EYA3: variants seen among roughly 807,000 people sequenced by gnomAD.
EYA3 encodes EYA transcriptional coactivator and phosphatase 3, also known as protein phosphatase EYA3.
A neutral mutation model predicts 80.0 loss-of-function variants in EYA3; 39 were observed. That is an observed-to-expected ratio of 0.49 (90% CI 0.38 to 0.64). The LOEUF is 0.64. Among genes scored for constraint, EYA3 ranks in the 30% least tolerant of loss-of-function variants. The pLI is 0.00. For synonymous variants in EYA3, 206 were observed against 232.8 expected, an observed-to-expected ratio of 0.88 and a Z score of 1.05; for missense variants, 523 against 676.1, an observed-to-expected ratio of 0.77 and a Z score of 2.51.
At chr1:28,058,980 A>T (rs112455633) in intron 1 of EYA3, among the ~76,000 whole-genome samples, 2,369 of 152,196 alleles carry the variant, frequency 0.016, 43 homozygotes, top group African/African-American at 0.046. Flanking sequence ...TATTTAATTA[A>T]AGTCACAGCT....
Position 27,973,494 on chromosome 1 carries a change from A to C in EYA3, c.*972T>G, listed in dbSNP as rs74063246. 1.6e-4 allele frequency: 24 copies of C among 152,282 alleles called. No homozygotes were observed. The highest frequency in any genetic ancestry group is 5.8e-4 in the African/African-American group (24 of 41,562). The allele number at this position is 152,282 out of a possible 1,614,324, so 9.4% of individuals were successfully genotyped here. A position where few individuals can be genotyped will look rare whatever the true frequency, so the allele number is the denominator to read the frequency against. On this transcript the variant is annotated 3_prime_UTR_variant, in exon 18 of 18. Transcript: ENST00000373871. ...CTCAAGAGCCAAGAAGCTGAAATTC[A>C]TAAGACACTTTAGTTCCTTCTCTCC...
intron 16 of EYA3, among the ~76,000 whole-genome samples, chr1:27,983,502 C>G (rs1639449095): frequency 6.6e-6 from 1 of 152,192 alleles, no homozygotes; most frequent in Non-Finnish European, 1.5e-5. Flanking sequence ...TCTTGATTTG[C>G]AGTTCCTTAA....
intron 5 of EYA3, among the ~76,000 whole-genome samples, chr1:28,036,923 A>G (rs922060583): frequency 2.6e-5 from 4 of 152,198 alleles, no homozygotes; most frequent in African/African-American, 9.6e-5. Flanking sequence ...AGCTGAGCAG[A>G]TAAGAGGCAC....
intron 10 of EYA3, among the ~76,000 whole-genome samples, chr1:28,006,379 G>C (rs1427067221): frequency 6.6e-6 from 1 of 151,998 alleles, no homozygotes. Flanking sequence ...GGATAGAAGG[G>C]AATGTTATCA....
chr1:28,052,039 C>T (rs1431437492), intron 2 of EYA3, among the ~76,000 whole-genome samples: 1 of 151,708 alleles, frequency 6.6e-6, no homozygotes, highest in Non-Finnish European at 1.5e-5. Flanking sequence ...GACAGAGGCT[C>T]ACTCTGTCAC....
chr1:28,069,053 C>T (rs1487771201), intron 1 of EYA3, among the ~76,000 whole-genome samples: 2 of 152,146 alleles, frequency 1.3e-5, no homozygotes, highest in Non-Finnish European at 2.9e-5. Context: ...GTGATCCGCC[C>T]GCCTTGGCCT....
At position 28,006,505 on chromosome 1, in the gene EYA3, G is replaced by A. The variant is rs368573058; in HGVS notation, c.910-2086C>T. On this transcript the variant is annotated intron_variant, in intron 10 of 17. Transcript: ENST00000373871. Reference sequence around the variant, plus strand: ...GTGGATCACAAGGTCAGGAGATAGAGACCATCCTCGCTAACATGGTGAAAC... The same window carrying A: ...GTGGATCACAAGGTCAGGAGATAGAAACCATCCTCGCTAACATGGTGAAAC... 1.8e-4 allele frequency among the ~76,000 whole-genome samples: 28 copies of A among 152,240 alleles called. No individual in the cohort carries two copies. In the South Asian group the frequency reaches 5.6e-3, roughly 30 times the overall value.
At chr1:28,058,328 C>T (rs1162624467) in intron 1 of EYA3, among the ~76,000 whole-genome samples, 1 of 152,192 alleles carries the variant, frequency 6.6e-6, no homozygotes, top group Non-Finnish European at 1.5e-5. Flanking sequence ...GGAACCACTT[C>T]TGCTGGTTAC....
chr1:27,981,544 T>A (rs1325674431), intron 16 of EYA3, among the ~76,000 whole-genome samples: 1 of 152,002 alleles, frequency 6.6e-6, no homozygotes, highest in Non-Finnish European at 1.5e-5. Flanking sequence ...CCCTTGTAAA[T>A]GAAATAATTC....
At chr1:28,018,461 C>T (rs1488214257) in intron 7 of EYA3, among the ~76,000 whole-genome samples, 1 of 152,192 alleles carries the variant, frequency 6.6e-6, no homozygotes. Context: ...ATGGTTCCTA[C>T]TGCAGGTACA....
At chr1:28,080,925 T>C (rs1411304421) in intron 1 of EYA3, among the ~76,000 whole-genome samples, 2 of 144,696 alleles carry the variant, frequency 1.4e-5, no homozygotes, top group Non-Finnish European at 3.1e-5. Context: ...TAATTTTGTA[T>C]TTTTTTTTTT....
chr1:27,979,313 C>T lies in EYA3; in HGVS notation c.1541-839G>A, dbSNP rs186307081. On this transcript the variant is annotated intron_variant, in intron 16 of 17. Coordinates refer to ENST00000373871, the MANE Select transcript of EYA3 (RefSeq NM_001990.4). ...GAAACAGTCCTGGGTATAGGCCTTA[C>T]GTCTTTCAGTGAGAGAACAGCCCCA... 2.3e-3 allele frequency among the ~76,000 whole-genome samples: 353 copies of T among 152,338 alleles called. 2 individuals are homozygous for T. The highest frequency in any genetic ancestry group is 8.2e-3 in the African/African-American group (340 of 41,576).
chr1:28,006,104 CAA>C (rs879642993), intron 10 of EYA3, among the ~76,000 whole-genome samples: 7 of 116,922 alleles, frequency 6.0e-5, no homozygotes, highest in African/African-American at 3.1e-5. Flanking sequence ...GGTTCTGTCT[CAA>C]AAAAAAAAAA....
rs71027260 is a variant in EYA3, at chr1:28,062,657, G to GGTGTGTGTGTGTGTGTGTGTGT, written c.-68-4585_-68-4564dup. 9.1e-3 allele frequency among the ~76,000 whole-genome samples: 1,294 copies of GGTGTGTGTGTGTGTGTGTGTGT among 141,588 alleles called. 15 individuals carry two copies. The highest frequency in any genetic ancestry group is 0.014 in the Non-Finnish European group (884 of 64,760). The allele number at this position is 141,588 out of a possible 152,430, so 92.9% of individuals were successfully genotyped here. A position where few individuals can be genotyped will look rare whatever the true frequency, so the allele number is the denominator to read the frequency against. ...TAGGAAGAGAAATTAAATATATGTA[G>GGTGTGTGTGTGTGTGTGTGTGT]GTGTGTGTGTGTGTGTGTGTGTGTG... On this transcript the variant is annotated intron_variant, in intron 1 of 17. Transcript: ENST00000373871.
intron 13 of EYA3, 89 bp from the exon 14 acceptor site, chr1:27,993,649 T>C (rs763565227): frequency 8.9e-7 from 1 of 1,124,690 alleles, no homozygotes; most frequent in Non-Finnish European, 1.2e-6. Flanking sequence ...TGGTATCTGA[T>C]AAATAAGGCC....
chr1:28,046,185 T>C (rs1643998482), intron 3 of EYA3, among the ~76,000 whole-genome samples: 1 of 152,194 alleles, frequency 6.6e-6, no homozygotes, highest in Non-Finnish European at 1.5e-5. Flanking sequence ...GTAGTGATGG[T>C]TGCAAGACAA....
chr1:27,983,904 C>T (rs1639476144), intron 16 of EYA3, among the ~76,000 whole-genome samples: 1 of 152,222 alleles, frequency 6.6e-6, no homozygotes, highest in Admixed American at 6.5e-5. Flanking sequence ...ATCCACCCAC[C>T]TCGGCCTCCC....
At chr1:28,033,821 ATT>A (rs34130370) in intron 6 of EYA3, among the ~76,000 whole-genome samples, 8 of 149,402 alleles carry the variant, frequency 5.4e-5, no homozygotes, top group East Asian at 2.0e-4. Flanking sequence ...TGCCCGGCTA[ATT>A]TTTTTTTTGT....
intron 3 of EYA3, among the ~76,000 whole-genome samples, chr1:28,043,669 C>A (rs996578970): frequency 1.3e-5 from 2 of 152,158 alleles, no homozygotes; most frequent in African/African-American, 2.4e-5. Flanking sequence ...AAAACCCCGT[C>A]TCTACTAAAA....
Sources: allele counts gnomAD v4.1 joint callset (sites outside exome capture counted in the v4.1 genomes callset), GRCh38; gene constraint gnomAD v4.1.1; transcripts MANE v1.5; gene names NCBI Gene and HGNC (gene_info 2026-07-23, HGNC 2026-07-21).